The following WARS2 variants were observed in gnomAD, a reference collection of about 807,000 sequenced individuals.
The protein encoded by WARS2 is tryptophanyl tRNA synthetase 2, mitochondrial.
WARS2 carries 28 observed loss-of-function variants against 36.5 expected under a neutral mutation model. The ratio of observed to expected loss-of-function variants is 0.77; its 90% CI spans 0.57 to 1.05. The LOEUF (loss-of-function observed/expected upper bound fraction) is 1.05. WARS2 is among the 50% of genes least tolerant of loss of function. WARS2 has a pLI of 0.00. For missense variants in WARS2, 435 were observed against 456.8 expected, an observed-to-expected ratio of 0.95 and a Z score of 0.44; for synonymous variants, 174 against 178.4, an observed-to-expected ratio of 0.98 and a Z score of 0.20.
At chr1:119,090,375 T>C (rs1198358533) in intron 1 of WARS2, among the ~76,000 whole-genome samples, 3 of 152,084 alleles carry the variant, frequency 2.0e-5, no homozygotes, top group Admixed American at 6.5e-5. Flanking sequence ...CTTCCTTAGC[T>C]GTAAAATGGG....
intron 1 of WARS2, 28 bp from the exon 2 acceptor site, chr1:119,076,635 G>C: frequency 1.2e-6 from 2 of 1,611,990 alleles, no homozygotes; most frequent in East Asian, 2.2e-5. Context: ...AAGCATATTT[G>C]CTTTTGAGGC....
At chr1:119,083,153 C>T (rs587749483) in intron 1 of WARS2, among the ~76,000 whole-genome samples, 74 of 152,228 alleles carry the variant, frequency 4.9e-4, no homozygotes, top group African/African-American at 1.5e-3. Flanking sequence ...CACTTGAACC[C>T]GGGAGGCAGA....
At chr1:119,096,501 T>C (rs1218322644) in intron 1 of WARS2, among the ~76,000 whole-genome samples, 1 of 152,174 alleles carries the variant, frequency 6.6e-6, no homozygotes, top group Non-Finnish European at 1.5e-5. Flanking sequence ...ATTCTACTTT[T>C]GCAAATATGC....
intron 2 of WARS2, among the ~76,000 whole-genome samples, chr1:119,054,411 G>C (rs1649608050): frequency 6.6e-6 from 1 of 152,070 alleles, no homozygotes; most frequent in Non-Finnish European, 1.5e-5. Context: ...TAGTAAGTGT[G>C]GTGAGGATAT....
At chr1:119,070,846 T>C (rs1057158014) in intron 2 of WARS2, among the ~76,000 whole-genome samples, 1 of 152,158 alleles carries the variant, frequency 6.6e-6, no homozygotes, top group Admixed American at 6.5e-5. Flanking sequence ...TACTGAAGAC[T>C]ATACAGATTG....
intron 3 of WARS2, among the ~76,000 whole-genome samples, chr1:119,044,533 TC>T (rs774978723): frequency 6.6e-6 from 1 of 152,246 alleles, no homozygotes; most frequent in Non-Finnish European, 1.5e-5. Flanking sequence ...AGTGTCTTAG[TC>T]CACTCAGGCT....
At chr1:119,048,795 GT>G (rs1571273355) in intron 2 of WARS2, among the ~76,000 whole-genome samples, 1 of 142,230 alleles carries the variant, frequency 7.0e-6, no homozygotes, top group East Asian at 1.9e-4. Context: ...GCCAGGCGCG[GT>G]GGCTCACGCC....
At chr1:119,070,769 G>C (rs1651240144) in intron 2 of WARS2, among the ~76,000 whole-genome samples, 1 of 151,850 alleles carries the variant, frequency 6.6e-6, no homozygotes, top group Non-Finnish European at 1.5e-5. Context: ...AAATAAAATA[G>C]TTTCCTAATA....
Position 119,107,661 on chromosome 1 carries a change from T to C in WARS2, c.91-31054A>G, listed in dbSNP as rs890395150. Among the ~76,000 whole-genome samples the C allele has an allele frequency of 1.1e-4, 16 of 139,570 alleles. 3 individuals are homozygous for C. The highest frequency in any genetic ancestry group is 3.6e-4 in the African/African-American group (13 of 36,348). 91.6% of individuals were successfully genotyped at this position (139,570 alleles called of 152,430 possible). On this transcript the variant is annotated intron_variant, in intron 1 of 5. Transcript: ENST00000235521. ...GAATGCACTCTTATAGTTGGAGAAA[T>C]AGAAAAAGAAAGAGAGAGAGAGAGA...
intron 2 of WARS2, among the ~76,000 whole-genome samples, chr1:119,053,807 G>A (rs1374355927): frequency 6.6e-6 from 1 of 152,128 alleles, no homozygotes; most frequent in Non-Finnish European, 1.5e-5. Context: ...GCACTTGGGA[G>A]GCCAAGGCAG....
chr1:119,100,730 G>A lies in WARS2; in HGVS notation c.91-24123C>T, dbSNP rs184140160. 1.8e-4 allele frequency among the ~76,000 whole-genome samples: 28 copies of A among 152,160 alleles called. No individual in the cohort carries two copies. The East Asian group carries it at 3.9e-3, about 21-fold the overall frequency. On this transcript the variant is annotated intron_variant, in intron 1 of 5. Coordinates refer to ENST00000235521, the MANE Select transcript of WARS2 (RefSeq NM_015836.4). ...GGCTGGAGTGCAGTGGCCTGATCTCGGCTCACTGTAGCTTCGACCTCCCAA... is the reference window on the plus strand; with the variant it reads ...GGCTGGAGTGCAGTGGCCTGATCTCAGCTCACTGTAGCTTCGACCTCCCAA...
rs766820306 is a variant in WARS2 at position 119,031,615 on chromosome 1, T to C, written c.*1296A>G. 1 of 152,204 alleles carries C rather than the reference T, an allele frequency of 6.6e-6. No individual in the cohort carries two copies. Among genetic ancestry groups the C allele is most frequent in the Non-Finnish European group, 1.5e-5 (1 of 68,038 alleles). The allele number at this position is 152,204 out of a possible 1,614,324, so 9.4% of individuals were successfully genotyped here. A position where few individuals can be genotyped will look rare whatever the true frequency, so the allele number is the denominator to read the frequency against. On this transcript the variant is annotated 3_prime_UTR_variant, in exon 6 of 6. Coordinates refer to ENST00000235521, the MANE Select transcript of WARS2 (RefSeq NM_015836.4). ...TAAGCAATTTCTGTTACAAAATCGA[T>C]CTTGCTAACAGGTCTTGGTGTATAA...
chr1:119,130,250 T>C (rs1656005189), intron 1 of WARS2, among the ~76,000 whole-genome samples: 1 of 152,250 alleles, frequency 6.6e-6, no homozygotes, highest in South Asian at 2.1e-4. Flanking sequence ...TCAGTTGTTG[T>C]ATAGATAATA....
rs201758984 is a variant in WARS2 at position 119,042,324 on chromosome 1, T to C, written c.455A>G (p.Asp152Gly). 2.5e-6 allele frequency: 4 copies of C among 1,613,886 alleles called. No individual in the cohort carries two copies. The East Asian group carries it at 8.9e-5, about 36-fold the overall frequency. The change falls in exon 4 of 6, where the codon GAT becomes GGT. Residue 152 changes from aspartate to glycine, a missense_variant. Asp to Gly is a moderately conservative substitution (Grantham distance 94). Transcript: ENST00000235521. ...GTATGTGAGCAGGCCCACCGTGCCATCGTGCTTCTGCTTGGTAGTCTTTGC... is the reference window on the plus strand; with the variant it reads ...GTATGTGAGCAGGCCCACCGTGCCACCGTGCTTCTGCTTGGTAGTCTTTGC... ...WKAKTTKQKHDGTVGLLTYPV... is the reference protein window; with the variant it reads ...WKAKTTKQKHGGTVGLLTYPV...
chr1:119,076,246 C>A, intron 2 of WARS2, 104 bp downstream of exon 2: 1 of 1,426,214 alleles, frequency 7.0e-7, no homozygotes. Flanking sequence ...CACCTTCAAA[C>A]ACTTTTTAAA....
chr1:119,046,514 A>ATTT (rs113950723), intron 2 of WARS2, among the ~76,000 whole-genome samples: 5 of 140,916 alleles, frequency 3.5e-5, no homozygotes, highest in South Asian at 4.6e-4. Context: ...CATCCGGCTA[A>ATTT]TTTTTTTTTT....
chr1:119,140,457 C>G (rs1656878161), intron 1 of WARS2, 98 bp downstream of exon 1: 1 of 1,137,780 alleles, frequency 8.8e-7, no homozygotes, highest in South Asian at 1.5e-5. Flanking sequence ...CATGTACTTT[C>G]CCTAAGAAGC....
intron 1 of WARS2, among the ~76,000 whole-genome samples, chr1:119,088,679 GACA>G (rs1304392017): frequency 5.3e-5 from 8 of 152,118 alleles, no homozygotes; most frequent in South Asian, 4.1e-4. Context: ...AGACATCTAT[GACA>G]ACAAGTAGGC....
In WARS2 at chr1:119,033,154, G is replaced by C. The variant is rs1369223570; in HGVS notation, c.840C>G (p.Ala280=). The C allele has an allele frequency of 2.5e-6, 4 of 1,614,122 alleles. No homozygotes were observed. The South Asian group carries it at 4.4e-5, about 18-fold the overall frequency. Residue 280 remains alanine, a synonymous_variant, in exon 6 of 6, where the codon GCC becomes GCG. Coordinates refer to ENST00000235521, the MANE Select transcript of WARS2 (RefSeq NM_015836.4). The part of the protein sequence containing the change: ...AGVSNIVAVH[A]AVTGLSVEEV... The stretch of plus-strand genomic sequence containing the variant: ...CCTCCACGGAGAGCCCCGTCACCGC[G>C]GCATGCACCGCCACTATGTTGGACA...
Sources: gnomAD v4.1 joint callset for allele counts (sites outside exome capture counted in the v4.1 genomes callset) on GRCh38, gnomAD v4.1.1 for gene constraint, MANE v1.5 for transcripts, NCBI Gene and HGNC (gene_info 2026-07-23, HGNC 2026-07-21) for gene names.